The following KCNMA1 variants were observed in gnomAD, a reference collection of about 807,000 sequenced individuals.
KCNMA1 encodes the protein Calcium-activated potassium channel subunit alpha-1.
KCNMA1 carries 29 observed loss-of-function variants against 140.0 expected under a neutral mutation model. The observed-to-expected ratio is 0.21, with a 90% CI of 0.15 to 0.28. The LOEUF (loss-of-function observed/expected upper bound fraction) is 0.28, where lower values mean the gene tolerates loss of function less well. Among genes scored for constraint, KCNMA1 ranks in the 10% least tolerant of loss-of-function variants. KCNMA1 has a pLI of 1.00. For synonymous variants in KCNMA1, 612 were observed against 611.9 expected, an observed-to-expected ratio of 1.00 and a Z score of 0.00; for missense variants, 880 against 1,602.2, an observed-to-expected ratio of 0.55 and a Z score of 7.70.
At chr10:77,592,159 A>C (rs567278055) in intron 1 of KCNMA1, among the ~76,000 whole-genome samples, 1 of 136,136 alleles carries the variant, frequency 7.3e-6, no homozygotes, top group African/African-American at 2.5e-5. Context: ...TAAATAAAAC[A>C]AAAAAAAACC....
intron 14 of KCNMA1, among the ~76,000 whole-genome samples, chr10:77,062,714 T>G (rs1028025246): frequency 6.6e-6 from 1 of 152,206 alleles, no homozygotes; most frequent in Non-Finnish European, 1.5e-5. Context: ...AGCTTAATTT[T>G]TATAGTTTTT....
At chr10:76,981,925 G>A (rs1314206815) in intron 19 of KCNMA1, among the ~76,000 whole-genome samples, 1 of 152,128 alleles carries the variant, frequency 6.6e-6, no homozygotes, top group Admixed American at 6.6e-5. Context: ...AGCTACAGAG[G>A]CGATGTTGCA....
intron 3 of KCNMA1, among the ~76,000 whole-genome samples, chr10:77,202,363 G>A (rs1412277448): frequency 6.6e-6 from 1 of 152,144 alleles, no homozygotes; most frequent in African/African-American, 2.4e-5. Flanking sequence ...AATGTAGGTC[G>A]TTAATGTAAT....
intron 17 of KCNMA1, chr10:77,012,302 A>G: frequency 4.8e-6 from 7 of 1,463,230 alleles, no homozygotes; most frequent in Non-Finnish European, 6.3e-6. Context: ...AAAGTTGCTG[A>G]TGTGACACAC....
chr10:77,263,198 C>G (rs940448980), intron 2 of KCNMA1, among the ~76,000 whole-genome samples: 1 of 152,076 alleles, frequency 6.6e-6, no homozygotes, highest in African/African-American at 2.4e-5. Flanking sequence ...GATCTTACCC[C>G]CTAGGATGCT....
At chr10:77,544,132 A>G (rs1228008804) in intron 1 of KCNMA1, among the ~76,000 whole-genome samples, 2 of 147,510 alleles carry the variant, frequency 1.4e-5, no homozygotes, top group Non-Finnish European at 3.0e-5. Flanking sequence ...TCAATCTGTG[A>G]TCTACATATC....
chr10:77,238,694 T>C (rs2056385690), intron 3 of KCNMA1, among the ~76,000 whole-genome samples: 1 of 152,230 alleles, frequency 6.6e-6, no homozygotes, highest in Admixed American at 6.5e-5. Context: ...AACCTCTGCT[T>C]AACCTTCGGG....
At chr10:76,947,642 A>G (rs2064551931) in intron 22 of KCNMA1, among the ~76,000 whole-genome samples, 2 of 152,224 alleles carry the variant, frequency 1.3e-5, no homozygotes, top group Admixed American at 1.3e-4. Context: ...TCCTCTGTGT[A>G]TGACTGTTTG....
At chr10:77,186,109 T>C (rs1419468063) in intron 3 of KCNMA1, among the ~76,000 whole-genome samples, 1 of 152,122 alleles carries the variant, frequency 6.6e-6, no homozygotes, top group Non-Finnish European at 1.5e-5. Context: ...CGCTTGGCTG[T>C]TCAACAGGCA....
At chr10:77,443,241 G>A (rs550064086) in intron 1 of KCNMA1, among the ~76,000 whole-genome samples, 2 of 152,116 alleles carry the variant, frequency 1.3e-5, no homozygotes, top group African/African-American at 2.4e-5. Flanking sequence ...CAGTGGTCCC[G>A]GCAGGCTTCC....
intron 1 of KCNMA1, among the ~76,000 whole-genome samples, chr10:77,513,464 T>C (rs545029323): frequency 2.6e-5 from 4 of 152,332 alleles, no homozygotes; most frequent in African/African-American, 9.6e-5. Context: ...CTAGCACTTA[T>C]TCCAAGGCCT....
intron 2 of KCNMA1, among the ~76,000 whole-genome samples, chr10:77,302,265 C>T (rs1046888172): frequency 2.6e-5 from 4 of 152,174 alleles, no homozygotes; most frequent in African/African-American, 9.7e-5. Flanking sequence ...CTTCTCTGAG[C>T]TCCAGGAGCT....
intron 2 of KCNMA1, chr10:77,304,462 TC>T (rs1343204891): frequency 1.3e-5 from 2 of 152,136 alleles, no homozygotes; most frequent in African/African-American, 4.8e-5. Flanking sequence ...TCATCAGCAG[TC>T]AGTCCTGTGG....
rs370304655 is a variant in KCNMA1, at chr10:77,403,791, C to T, written c.540+71G>A. ...CTGCAGAAGACCCTGGGGAATATCACGTCTCATAAGCAAAGCCACCTTGGC... is the reference window on the plus strand; with the variant it reads ...CTGCAGAAGACCCTGGGGAATATCATGTCTCATAAGCAAAGCCACCTTGGC... On this transcript the variant is annotated intron_variant, in intron 2 of 27. Transcript: ENST00000286628. The T allele has an allele frequency of 4.8e-5, 70 of 1,467,554 alleles. 1 individual carries two copies. The African/African-American group carries it at 5.2e-4, about 11-fold the overall frequency. 90.9% of individuals were successfully genotyped at this position (1,467,554 alleles called of 1,614,324 possible).
chr10:77,161,866 C>T (rs1283290057), intron 5 of KCNMA1, among the ~76,000 whole-genome samples: 2 of 152,098 alleles, frequency 1.3e-5, no homozygotes, highest in Non-Finnish European at 2.9e-5. Context: ...ATTTGGAATT[C>T]CCATATCTAT....
At chr10:77,051,615 G>C (rs1042240281) in intron 14 of KCNMA1, among the ~76,000 whole-genome samples, 3 of 152,170 alleles carry the variant, frequency 2.0e-5, no homozygotes, top group Non-Finnish European at 4.4e-5. Flanking sequence ...AAATTGCTGA[G>C]GTATTTAGCT....
chr10:77,483,657 C>T (rs1323532952), intron 1 of KCNMA1, among the ~76,000 whole-genome samples: 1 of 152,172 alleles, frequency 6.6e-6, no homozygotes, highest in Non-Finnish European at 1.5e-5. Flanking sequence ...GGGTGTATGG[C>T]CACGGGACAC....
intron 13 of KCNMA1, among the ~76,000 whole-genome samples, chr10:77,078,572 C>G (rs540442279): frequency 6.6e-6 from 1 of 152,324 alleles, no homozygotes; most frequent in African/African-American, 2.4e-5. Context: ...ATTCTCATCT[C>G]GACTCTGGGA....
At chr10:77,275,576 G>A (rs1216908251) in intron 2 of KCNMA1, among the ~76,000 whole-genome samples, 1 of 152,196 alleles carries the variant, frequency 6.6e-6, no homozygotes, top group Non-Finnish European at 1.5e-5. Flanking sequence ...AAAGCCCACA[G>A]GGTCTGCCTT....
Sources: gnomAD v4.1 joint callset for allele counts (sites outside exome capture counted in the v4.1 genomes callset) on GRCh38, gnomAD v4.1.1 for gene constraint, MANE v1.5 for transcripts, NCBI Gene and HGNC (gene_info 2026-07-23, HGNC 2026-07-21) for gene names.